MAP3K3: variants seen among roughly 807,000 people sequenced by gnomAD.
MAP3K3 encodes mitogen-activated protein kinase kinase kinase 3, also known as MAP/ERK kinase kinase 3.
In MAP3K3, 12 loss-of-function variants were observed where a neutral mutation model predicts 80.9. The observed-to-expected ratio is 0.15, with a 90% CI of 0.10 to 0.24. The LOEUF (loss-of-function observed/expected upper bound fraction) is 0.24, where lower values mean the gene tolerates loss of function less well. Ranked by LOEUF, MAP3K3 falls within the 10% of genes least tolerant of loss-of-function variation. The pLI is 1.00. For missense variants in MAP3K3, 596 were observed against 834.7 expected (o/e 0.71, Z 3.52); for synonymous variants, 272 against 307.1 (o/e 0.89, Z 1.19).
intron 5 of MAP3K3, 92 bp from the exon 6 acceptor site, chr17:63,666,848 C>T (rs931323159): frequency 7.0e-7 from 1 of 1,438,118 alleles, no homozygotes; most frequent in Non-Finnish European, 9.5e-7. Context: ...GGTGGCTGAG[C>T]CTGCAGGGAG....
chr17:63,625,694 A>T (rs990724707), intron 1 of MAP3K3, among the ~76,000 whole-genome samples: 3 of 152,170 alleles, frequency 2.0e-5, no homozygotes, highest in African/African-American at 7.2e-5. Flanking sequence ...TTTTGATTGA[A>T]ATTTGAATCA....
intron 5 of MAP3K3, among the ~76,000 whole-genome samples, chr17:63,658,936 A>G (rs1379337598): frequency 6.6e-6 from 1 of 152,144 alleles, no homozygotes; most frequent in Non-Finnish European, 1.5e-5. Flanking sequence ...AGGTTTCACC[A>G]TGTTCGTCAG....
chr17:63,659,117 C>T (rs548636225), intron 5 of MAP3K3, among the ~76,000 whole-genome samples: 1 of 152,132 alleles, frequency 6.6e-6, no homozygotes, highest in Non-Finnish European at 1.5e-5. Context: ...AATGATCCAC[C>T]CACTTTAGCC....
chr17:63,655,874 AT>A (rs2034756256), intron 4 of MAP3K3, among the ~76,000 whole-genome samples: 1 of 152,174 alleles, frequency 6.6e-6, no homozygotes, highest in Admixed American at 6.5e-5. Flanking sequence ...CTTTTGCAAT[AT>A]AATATGATTT....
In MAP3K3 at chr17:63,657,799, C is replaced by T; in HGVS notation, c.273C>T (p.Ser91=). 3 of 1,527,792 alleles carry T rather than the reference C, an allele frequency of 2.0e-6. No individual in the cohort carries two copies. The highest frequency in any genetic ancestry group is 2.7e-6 in the Non-Finnish European group (3 of 1,105,132). 94.6% of individuals were successfully genotyped at this position (1,527,792 alleles called of 1,614,324 possible). ...LDLHYMNNEL[S]ILLKNQDDLD... is the part of the protein sequence containing the mutation. The stretch of plus-strand genomic sequence containing the variant: ...TTCTATGTCTTGTATCACAGCTCTC[C>T]ATCCTGCTGAAAAACCAAGATGATC... The change falls in exon 5 of 16, where the codon TCC becomes TCT. Residue 91 remains serine, a synonymous_variant. Coordinates refer to ENST00000361733, the MANE Select transcript of MAP3K3 (RefSeq NM_002401.5).
intron 2 of MAP3K3, among the ~76,000 whole-genome samples, chr17:63,637,926 G>C (rs1309282614): frequency 6.6e-6 from 1 of 152,186 alleles, no homozygotes; most frequent in Non-Finnish European, 1.5e-5. Flanking sequence ...GGCACAAGCA[G>C]GGCAGGGCCT....
At chr17:63,681,339 A>G (rs575895577) in intron 6 of MAP3K3, among the ~76,000 whole-genome samples, 5 of 152,274 alleles carry the variant, frequency 3.3e-5, no homozygotes, top group African/African-American at 1.2e-4. Flanking sequence ...CACCCTCAAA[A>G]TACTGCTTGG....
At chr17:63,678,433 GGTGGCCTCTACCCT>G (rs143424500) in intron 6 of MAP3K3, among the ~76,000 whole-genome samples, 3,619 of 152,232 alleles carry the variant, frequency 0.024, 133 homozygotes, top group African/African-American at 0.082. Flanking sequence ...TCTCAGAATT[GGTGGCCTCTACCCT>G]GTGAGTGAGA....
chr17:63,660,677 C>T lies in MAP3K3; in HGVS notation c.381+2770C>T, dbSNP rs370167226. On this transcript the variant is annotated intron_variant, in intron 5 of 15. Coordinates refer to ENST00000361733, the MANE Select transcript of MAP3K3 (RefSeq NM_002401.5). ...GTGTGATCTTGGCTCACCGCAACCT[C>T]TGGCTTCCAGGTTCAAGTGATTCTC... 3.0e-3 allele frequency among the ~76,000 whole-genome samples: 458 copies of T among 152,184 alleles called. 16 individuals carry two copies. In the South Asian group the frequency reaches 0.073, roughly 24 times the overall value.
At chr17:63,637,003 T>C in intron 2 of MAP3K3, 1 of 619,732 alleles carries the variant, frequency 1.6e-6, no homozygotes, top group South Asian at 1.5e-5. Flanking sequence ...AGCTGCAGAT[T>C]CAGTGTGTGG....
chr17:63,626,311 G>A (rs909259035), intron 1 of MAP3K3, among the ~76,000 whole-genome samples: 1 of 152,176 alleles, frequency 6.6e-6, no homozygotes, highest in Non-Finnish European at 1.5e-5. Flanking sequence ...GTTAGGTAAG[G>A]TGAAGCAGAA....
chr17:63,632,650 G>A lies in MAP3K3; in HGVS notation c.5-31G>A, dbSNP rs6504171. 0.28 allele frequency: 454,097 copies of A among 1,611,010 alleles called. 73,735 individuals carry two copies. The highest frequency in any genetic ancestry group is 0.72 in the African/African-American group (53,757 of 74,876). ...GAGCTTTGCTGGTCTGTATTTAAGT[G>A]TCTTAGTCCATGTGCTCTCTTTCAT... On this transcript the variant is annotated intron_variant, in intron 1 of 15. Coordinates refer to ENST00000361733, the MANE Select transcript of MAP3K3 (RefSeq NM_002401.5).
In MAP3K3 at chr17:63,646,059, A is replaced by G. The variant is rs1273003221; in HGVS notation, c.152A>G (p.His51Arg). 2 of 1,614,142 alleles carry G rather than the reference A, an allele frequency of 1.2e-6. No homozygotes were observed. The highest frequency in any genetic ancestry group is 1.7e-6 in the Non-Finnish European group (2 of 1,179,966). ...AGTGACGTCAGAATCAAGTTCGAGC[A>G]CAACGGGGAGAGGCGGTAAGTCTGC... ...RQSDVRIKFE[H>R]NGERRIIAFS... The change falls in exon 3 of 16, where the codon CAC becomes CGC. Residue 51 changes from histidine to arginine, a missense_variant. Around this residue, in one of 2 missense-constraint regions of MAP3K3, gnomAD observed 232 missense variants for 245.8 expected, o/e 0.94. Coordinates refer to ENST00000361733, the MANE Select transcript of MAP3K3 (RefSeq NM_002401.5).
intron 5 of MAP3K3, among the ~76,000 whole-genome samples, chr17:63,664,052 C>T (rs1477389092): frequency 6.6e-6 from 1 of 151,354 alleles, no homozygotes; most frequent in African/African-American, 2.4e-5. Flanking sequence ...ACCATCCTGG[C>T]TAACACGGTG....
Position 63,689,765 on chromosome 17 carries a change from C to T in MAP3K3, c.1063+30C>T, listed in dbSNP as rs568112838. On this transcript the variant is annotated intron_variant, in intron 11 of 15. Transcript: ENST00000361733. This position sits in a 1 kb window ranked among gnomAD's most constrained non-coding sequence, Gnocchi z 4.3. The stretch of plus-strand genomic sequence containing the variant: ...GGAGCTGTCCCTGGCTAGGAGGAGA[C>T]TGCCCAGGTGGTCTCAGACAAGCTA... 47 of 1,584,660 alleles carry T rather than the reference C, an allele frequency of 3.0e-5. No homozygotes were observed. Among genetic ancestry groups the T allele is most frequent in the Middle Eastern group, 1.7e-4 (1 of 5,964 alleles).
At chr17:63,629,596 C>G (rs1161475522) in intron 1 of MAP3K3, among the ~76,000 whole-genome samples, 1 of 152,104 alleles carries the variant, frequency 6.6e-6, no homozygotes, top group African/African-American at 2.4e-5. Context: ...AAACCTCAAT[C>G]CAGGAAGAAA....
chr17:63,624,810 A>T (rs192523155), intron 1 of MAP3K3, among the ~76,000 whole-genome samples: 1 of 152,342 alleles, frequency 6.6e-6, no homozygotes, highest in African/African-American at 2.4e-5. Flanking sequence ...AAAGTAGATG[A>T]CCTTGATACA....
intron 8 of MAP3K3, among the ~76,000 whole-genome samples, chr17:63,686,163 G>A (rs190587825): frequency 6.5e-4 from 99 of 152,270 alleles, no homozygotes; most frequent in Non-Finnish European, 4.6e-4. Context: ...CCACTCCCTC[G>A]CCTCTGCCTC....
rs376726068 is a variant in MAP3K3 at position 63,628,198 on chromosome 17, G to A, written c.5-4483G>A. ...TGAGATTACAGGTGTGAGCCACCAC[G>A]CCCAGCCAGCTTGCTTTTCTTAAAG... On this transcript the variant is annotated intron_variant, in intron 1 of 15. Coordinates refer to ENST00000361733, the MANE Select transcript of MAP3K3 (RefSeq NM_002401.5). 1.2e-4 allele frequency among the ~76,000 whole-genome samples: 19 copies of A among 152,140 alleles called. No homozygotes were observed. The East Asian group carries it at 2.3e-3, about 19-fold the overall frequency.
Sources: gnomAD v4.1 joint callset for allele counts (sites outside exome capture counted in the v4.1 genomes callset) on GRCh38, gnomAD v4.1.1 for gene constraint, gnomAD v4.1.1 regional missense constraint, Gnocchi (gnomAD v3.1) non-coding constraint, MANE v1.5 for transcripts, NCBI Gene and HGNC (gene_info 2026-07-23, HGNC 2026-07-21) for gene names.